Variants in CD109 observed in about 807,000 individuals in gnomAD.
The protein encoded by CD109 is CD109 molecule.
A neutral mutation model predicts 165.8 loss-of-function variants in CD109; 149 were observed. That is an observed-to-expected ratio of 0.90 (90% CI 0.79 to 1.03). CD109 has a LOEUF of 1.03. CD109 is among the 50% of genes least tolerant of loss of function. The probability of loss-of-function intolerance (pLI) is 0.00; values close to 1 mark genes in which losing one functional copy is unlikely to be tolerated. For synonymous variants in CD109, 585 were observed against 592.1 expected (o/e 0.99, Z 0.18); for missense variants, 1,712 against 1,677.8 (o/e 1.02, Z -0.36).
chr6:73,771,607 G>C, intron 15 of CD109, 26 bp downstream of exon 15: 1 of 1,485,532 alleles, frequency 6.7e-7, no homozygotes, highest in Non-Finnish European at 9.1e-7. Flanking sequence ...TTTTCATTAT[G>C]AAAATATGTA....
In CD109 at chr6:73,787,366, C is replaced by T. The variant is rs781423411; in HGVS notation, c.2470C>T (p.Pro824Ser). Residue 824 changes from proline (P) to serine (S), a missense_variant, in exon 21 of 33, where the codon CCA becomes TCA. Transcript: ENST00000287097. ...GGCAACTGTTCTTTTTCCCATCAGG[C>T]CAACACATCTGGGAGAAATTCCTAT... is the stretch of plus-strand genomic sequence containing the variant. Reference protein sequence around the residue: ...DGATVLFPIRPTHLGEIPITV... With the variant: ...DGATVLFPIRSTHLGEIPITV... 3.1e-6 allele frequency: 5 copies of T among 1,613,952 alleles called. No individual in the cohort carries two copies. Among genetic ancestry groups the T allele is most frequent in the Non-Finnish European group, 2.5e-6 (3 of 1,179,950 alleles).
chr6:73,697,372 T>C (rs762578966), intron 1 of CD109, 28 bp from the exon 2 acceptor site: 1 of 1,603,480 alleles, frequency 6.2e-7, no homozygotes, highest in Non-Finnish European at 8.5e-7. Context: ...TAAGAAACTT[T>C]GTTTTTCCCT....
chr6:73,804,147 T>G (rs1775484223), intron 24 of CD109: 1 of 152,362 alleles, frequency 6.6e-6, no homozygotes, highest in Admixed American at 6.5e-5. Flanking sequence ...CTAACCTCAC[T>G]GGGGCAGGAA....
At chr6:73,769,115 C>T (rs1369741051) in intron 14 of CD109, among the ~76,000 whole-genome samples, 3 of 152,110 alleles carry the variant, frequency 2.0e-5, no homozygotes, top group Non-Finnish European at 4.4e-5. Flanking sequence ...GTCTCTAACT[C>T]CTGGGCTCAG....
In CD109 at chr6:73,697,416, A is replaced by T; in HGVS notation, c.91A>T (p.Thr31Ser). 6.2e-7 allele frequency: 1 copy of T among 1,613,984 alleles called. No homozygotes were observed. The highest frequency in any genetic ancestry group is 8.5e-7 in the Non-Finnish European group (1 of 1,179,966). The stretch of plus-strand genomic sequence containing the variant: ...ACTCTTTAGGCCTCGGTTTCTGGTG[A>T]CAGCCCCAGGGATCATCAGGCCCGG... Reference protein sequence around the residue: ...AVAPGPRFLVTAPGIIRPGGN... With the variant: ...AVAPGPRFLVSAPGIIRPGGN... The change falls in exon 2 of 33, where the codon ACA (threonine) becomes TCA (serine). Residue 31 changes from threonine to serine, a missense_variant. Transcript: ENST00000287097.
chr6:73,770,301 C>T (rs1374160528), intron 14 of CD109, among the ~76,000 whole-genome samples: 1 of 152,118 alleles, frequency 6.6e-6, no homozygotes, highest in African/African-American at 2.4e-5. Context: ...AATAAATGCT[C>T]TAAGAAAAGG....
At chr6:73,787,776 T>G (rs1176719858) in intron 21 of CD109, among the ~76,000 whole-genome samples, 1 of 152,162 alleles carries the variant, frequency 6.6e-6, no homozygotes, top group Non-Finnish European at 1.5e-5. Context: ...TTTGGAATTT[T>G]TCAGTGAAGG....
chr6:73,803,689 TTG>T (rs71000156), intron 24 of CD109, among the ~76,000 whole-genome samples: 8 of 149,404 alleles, frequency 5.4e-5, no homozygotes, highest in East Asian at 2.0e-4. Flanking sequence ...TAGTTTAAGT[TTG>T]TGTGTGTGTG....
Position 73,768,178 on chromosome 6 carries a change from G to A in CD109, c.1621G>A (p.Glu541Lys), listed in dbSNP as rs1773918953. 3 of 1,596,952 alleles carry A rather than the reference G, an allele frequency of 1.9e-6. No homozygotes were observed. The highest frequency in any genetic ancestry group is 2.6e-6 in the Non-Finnish European group (3 of 1,164,974). ...TGTGTATTATATTGAAGATGATGGG[G>A]AAATTATAAGTGATGTTCTAAAAAT... ...VIVYYIEDDG[E>K]IISDVLKIPV... Residue 541 changes from glutamate to lysine, a missense_variant, in exon 14 of 33, where the codon GAA becomes AAA. Transcript: ENST00000287097.
chr6:73,740,649 G>A (rs780278417), intron 5 of CD109, among the ~76,000 whole-genome samples: 7 of 148,400 alleles, frequency 4.7e-5, no homozygotes, highest in African/African-American at 1.7e-4. Flanking sequence ...TGCCCAGGCC[G>A]TGGTGTGATC....
chr6:73,754,320 T>C (rs994404990), intron 5 of CD109, among the ~76,000 whole-genome samples: 4 of 151,982 alleles, frequency 2.6e-5, no homozygotes, highest in Non-Finnish European at 5.9e-5. Flanking sequence ...AAGGCCAACA[T>C]TTAAGGATCA....
intron 6 of CD109, among the ~76,000 whole-genome samples, chr6:73,758,495 C>G (rs1773487088): frequency 6.6e-6 from 1 of 152,102 alleles, no homozygotes; most frequent in South Asian, 2.1e-4. Context: ...AAGCGATTCT[C>G]CTGCCTCAGC....
At position 73,762,756 on chromosome 6, in the gene CD109, A is replaced by C. The variant is rs750510625; in HGVS notation, c.871A>C (p.Asn291His). Residue 291 changes from asparagine (N) to histidine (H), a missense_variant, in exon 9 of 33, where the codon AAC becomes CAC. Asn to His is a moderately conservative substitution (Grantham distance 68, BLOSUM62 1). Transcript: ENST00000287097. ...AACAAAACAGATAAATGGATCTGCA[A>C]ACTTCTCTTTTAATGATGAAGAGAT... is the stretch of plus-strand genomic sequence containing the variant. ...TKTFKINGSA[N>H]FSFNDEEMKN... The C allele has an allele frequency of 1.9e-6, 3 of 1,602,142 alleles. No homozygotes were observed. In the East Asian group the frequency reaches 6.7e-5, roughly 36 times the overall value.
At chr6:73,806,732 C>G (rs1046274975) in intron 24 of CD109, 112 bp from the exon 25 acceptor site, 6 of 694,822 alleles carry the variant, frequency 8.6e-6, no homozygotes, top group South Asian at 6.2e-5. Flanking sequence ...AGTGATTCCC[C>G]CTTTGATGAA....
At chr6:73,722,041 GT>G (rs1771972308) in intron 2 of CD109, among the ~76,000 whole-genome samples, 1 of 152,042 alleles carries the variant, frequency 6.6e-6, no homozygotes, top group Admixed American at 6.6e-5. Context: ...TGGCTATAAA[GT>G]TTTTCTAATG....
chr6:73,782,840 G>C lies in CD109; in HGVS notation c.2105+85G>C, dbSNP rs1774557799. 11 of 1,332,392 alleles carry C rather than the reference G, an allele frequency of 8.3e-6. No homozygotes were observed. In the East Asian group the frequency reaches 2.5e-4, roughly 31 times the overall value. The allele number at this position is 1,332,392 out of a possible 1,614,324, so 82.5% of individuals were successfully genotyped here. ...GCTTTGCCCGCTTTCTAATGTTTAA[G>C]TACAAACATAGTGTAACTAAGAACT... On this transcript the variant is annotated intron_variant, in intron 18 of 32. Coordinates refer to ENST00000287097, the MANE Select transcript of CD109 (RefSeq NM_133493.5).
At chr6:73,749,348 T>C (rs1018191773) in intron 5 of CD109, among the ~76,000 whole-genome samples, 1 of 152,180 alleles carries the variant, frequency 6.6e-6, no homozygotes, top group Non-Finnish European at 1.5e-5. Context: ...TTCACAACTT[T>C]ACAAGTCCAA....
At chr6:73,815,201 A>G (rs1367463731) in intron 30 of CD109, 78 bp downstream of exon 30, 73 of 1,220,562 alleles carry the variant, frequency 6.0e-5, no homozygotes, top group Non-Finnish European at 7.2e-5. Flanking sequence ...ATAGTTGTCT[A>G]TATCAATCTA....
At chr6:73,781,835 A>ACACACACACACACACACACACAG (rs150665697) in intron 17 of CD109, among the ~76,000 whole-genome samples, 1 of 144,328 alleles carries the variant, frequency 6.9e-6, no homozygotes, top group Admixed American at 6.9e-5. Flanking sequence ...ACACACACAC[A>ACACACACACACACACACACACAG]CCCCTCATCA....
Sources: gnomAD v4.1 joint callset for allele counts (sites outside exome capture counted in the v4.1 genomes callset) on GRCh38, gnomAD v4.1.1 for gene constraint, MANE v1.5 for transcripts, NCBI Gene and HGNC (gene_info 2026-07-23, HGNC 2026-07-21) for gene names.